LMNTD1: variants seen among roughly 807,000 people sequenced by gnomAD.
LMNTD1 encodes lamin tail domain containing 1, also known as lamin tail domain-containing protein 1.
In LMNTD1, 35 loss-of-function variants were observed where a neutral mutation model predicts 50.9. The ratio of observed to expected loss-of-function variants is 0.69; its 90% CI spans 0.53 to 0.91. The LOEUF is 0.91. Ranked by LOEUF, LMNTD1 falls within the 40% of genes least tolerant of loss-of-function variation. The probability of loss-of-function intolerance (pLI) is 0.00; values close to 1 mark genes in which losing one functional copy is unlikely to be tolerated. For missense variants in LMNTD1, 470 were observed against 475.5 expected (o/e 0.99, Z 0.11); for synonymous variants, 153 against 161.9 (o/e 0.94, Z 0.42).
intron 6 of LMNTD1, 99 bp downstream of exon 6, chr12:25,526,000 A>G (rs2136080693): frequency 1.1e-6 from 1 of 911,046 alleles, no homozygotes; most frequent in Non-Finnish European, 1.5e-6. Flanking sequence ...TTATGCACTT[A>G]GACACATTGT....
At chr12:25,507,770 G>A (rs1341737517) in intron 8 of LMNTD1, among the ~76,000 whole-genome samples, 1 of 152,204 alleles carries the variant, frequency 6.6e-6, no homozygotes, top group Non-Finnish European at 1.5e-5. Context: ...ATGGCCATGT[G>A]TCTAAATTTC....
Position 25,520,048 on chromosome 12 carries a change from A to G in LMNTD1, c.826T>C (p.Trp276Arg). The G allele has an allele frequency of 6.2e-7, 1 of 1,612,168 alleles. No individual in the cohort carries two copies. The change falls in exon 7 of 10, where the codon TGG becomes CGG. Residue 276 changes from tryptophan to arginine, a missense_variant. By Grantham distance (101) the Trp-to-Arg change is moderately radical. Coordinates refer to ENST00000458174, the MANE Select transcript of LMNTD1 (RefSeq NM_001145728.2). The stretch of plus-strand genomic sequence containing the variant: ...TCTAATTTTTCCCACGCTTGCTTCC[A>G]GTGGATAGGGGTGTACCACGCAATG... ...QAIAWYTPIH[W>R]KQAWEKLDAD...
At chr12:25,491,755 A>G (rs1938892548) in intron 9 of LMNTD1, among the ~76,000 whole-genome samples, 1 of 152,254 alleles carries the variant, frequency 6.6e-6, no homozygotes, top group Admixed American at 6.5e-5. Context: ...CCAGGAGGTC[A>G]TTAGTGACCA....
chr12:25,561,527 C>A (rs996758490), intron 1 of LMNTD1, among the ~76,000 whole-genome samples: 1 of 152,114 alleles, frequency 6.6e-6, no homozygotes, highest in African/African-American at 2.4e-5. Context: ...AATTTCTGTT[C>A]TTTTACATTT....
chr12:25,633,358 C>G (rs942992830), intron 1 of LMNTD1, among the ~76,000 whole-genome samples: 1 of 152,064 alleles, frequency 6.6e-6, no homozygotes, highest in African/African-American at 2.4e-5. Context: ...TTTCATCCAA[C>G]AACCGCAGAA....
chr12:25,518,628 G>C (rs1429562182), intron 8 of LMNTD1, among the ~76,000 whole-genome samples, 167 bp downstream of exon 8: 1 of 152,166 alleles, frequency 6.6e-6, no homozygotes, highest in African/African-American at 2.4e-5. Context: ...CTGTGCTAGG[G>C]GAAATGTAAG....
At position 25,546,362 on chromosome 12, in the gene LMNTD1, T is replaced by A. The variant is rs781540395; in HGVS notation, c.491+12A>T. The A allele has an allele frequency of 6.5e-7, 1 of 1,542,476 alleles. No individual in the cohort carries two copies. The highest frequency in any genetic ancestry group is 8.8e-7 in the Non-Finnish European group (1 of 1,138,380). The stretch of plus-strand genomic sequence containing the variant: ...GACAGAAGATACTAAGTAGTTCAAA[T>A]AAAATATGTACCTGGAGGTAAATTG... On this transcript the variant is annotated intron_variant, in intron 4 of 9. Transcript: ENST00000458174.
chr12:25,517,655 T>C (rs1429166254), intron 8 of LMNTD1, among the ~76,000 whole-genome samples: 4 of 141,100 alleles, frequency 2.8e-5, no homozygotes, highest in Non-Finnish European at 4.6e-5. Flanking sequence ...CATGTATACA[T>C]ATGTAACTAA....
intron 9 of LMNTD1, among the ~76,000 whole-genome samples, chr12:25,484,265 G>A (rs73296465): frequency 0.073 from 11,055 of 151,718 alleles, 515 homozygotes; most frequent in Middle Eastern, 0.092. Context: ...GTTGTTTTTC[G>A]TTTTTTTGTT....
intron 1 of LMNTD1, among the ~76,000 whole-genome samples, chr12:25,561,121 G>GT (rs1224696523): frequency 6.6e-6 from 1 of 152,040 alleles, no homozygotes; most frequent in Non-Finnish European, 1.5e-5. Flanking sequence ...TTTTTGAAGG[G>GT]TTTTTTGTGT....
Position 25,526,971 on chromosome 12 carries a change from CA to C in LMNTD1, c.492-17del. Reference sequence around the variant, plus strand: ...TCCAAGAGAACTAGAAAATAAAACACAAAGATTGTAAGCTGCCTTCAGATAG... The same window carrying C: ...TCCAAGAGAACTAGAAAATAAAACACAAGATTGTAAGCTGCCTTCAGATAG... On this transcript the variant is annotated splice_polypyrimidine_tract_variant and intron_variant, in intron 4 of 9. Coordinates refer to ENST00000458174, the MANE Select transcript of LMNTD1 (RefSeq NM_001145728.2). The C allele has an allele frequency of 6.4e-7, 1 of 1,572,078 alleles. No homozygotes were observed. Among genetic ancestry groups the C allele is most frequent in the Non-Finnish European group, 8.7e-7 (1 of 1,154,862 alleles).
At chr12:25,547,721 T>C (rs1159852317) in intron 3 of LMNTD1, among the ~76,000 whole-genome samples, 2 of 151,880 alleles carry the variant, frequency 1.3e-5, no homozygotes, top group African/African-American at 2.4e-5. Context: ...AAGGATAATA[T>C]ACAGCATCTT....
intron 9 of LMNTD1, among the ~76,000 whole-genome samples, chr12:25,485,846 T>C (rs1011926991): frequency 8.3e-5 from 12 of 144,794 alleles, no homozygotes; most frequent in Non-Finnish European, 1.5e-4. Flanking sequence ...GAGGGCTCTG[T>C]TCTGTTCCAT....
At chr12:25,520,143 T>TATATAG in intron 6 of LMNTD1, 68 bp from the exon 7 acceptor site, 1 of 84,164 alleles carries the variant, frequency 1.2e-5, no homozygotes, top group Non-Finnish European at 2.5e-5. Flanking sequence ...TTATGAGATA[T>TATATAG]ACATATATAT....
intron 4 of LMNTD1, among the ~76,000 whole-genome samples, chr12:25,529,176 G>T (rs929784967): frequency 1.3e-5 from 2 of 151,902 alleles, no homozygotes; most frequent in African/African-American, 2.4e-5. Flanking sequence ...TTACTTTTCA[G>T]CCCCTTTTTC....
At chr12:25,562,442 T>C (rs1944372472) in intron 1 of LMNTD1, among the ~76,000 whole-genome samples, 1 of 152,224 alleles carries the variant, frequency 6.6e-6, no homozygotes. Context: ...ATTCTTTCCT[T>C]TAAGAATGTT....
At chr12:25,569,408 A>G (rs1944693944) in intron 1 of LMNTD1, among the ~76,000 whole-genome samples, 1 of 152,172 alleles carries the variant, frequency 6.6e-6, no homozygotes, top group South Asian at 2.1e-4. Context: ...TTGTAGTCTC[A>G]TAGGTAGAAG....
At chr12:25,560,932 C>G (rs904705753) in intron 1 of LMNTD1, among the ~76,000 whole-genome samples, 1 of 152,126 alleles carries the variant, frequency 6.6e-6, no homozygotes, top group African/African-American at 2.4e-5. Flanking sequence ...GAGATTTTGG[C>G]CTGAGATGAT....
chr12:25,487,228 G>A (rs1938679582), intron 9 of LMNTD1, among the ~76,000 whole-genome samples: 1 of 122,174 alleles, frequency 8.2e-6, no homozygotes, highest in Admixed American at 9.1e-5. Flanking sequence ...AATGTTGACA[G>A]TGGGGTGTTA....
Sources: allele counts gnomAD v4.1 joint callset (sites outside exome capture counted in the v4.1 genomes callset), GRCh38; gene constraint gnomAD v4.1.1; transcripts MANE v1.5; gene names NCBI Gene and HGNC (gene_info 2026-07-23, HGNC 2026-07-21).